The following LDLRAD4 variants were observed in gnomAD, a reference collection of about 807,000 sequenced individuals.
LDLRAD4 encodes the protein low density lipoprotein receptor class A domain containing 4.
A neutral mutation model predicts 17.0 loss-of-function variants in LDLRAD4; 5 were observed. The observed-to-expected ratio is 0.29, with a 90% confidence interval of 0.15 to 0.62. The LOEUF (loss-of-function observed/expected upper bound fraction) is 0.62, where lower values mean the gene tolerates loss of function less well. Ranked by LOEUF, LDLRAD4 falls within the 20% of genes least tolerant of loss-of-function variation. LDLRAD4 has a pLI of 0.84. For missense variants in LDLRAD4, 340 were observed against 424.7 expected (o/e 0.80, Z 1.75); for synonymous variants, 168 against 171.8 (o/e 0.98, Z 0.17).
At chr18:13,467,747 G>A (rs973935646) in intron 3 of LDLRAD4, among the ~76,000 whole-genome samples, 19 of 152,186 alleles carry the variant, frequency 1.2e-4, no homozygotes, top group African/African-American at 3.4e-4. Context: ...ATTTACAAAA[G>A]TACTGTAATC....
At chr18:13,419,319 A>G (rs926591535) in intron 2 of LDLRAD4, 3 of 152,198 alleles carry the variant, frequency 2.0e-5, no homozygotes, top group African/African-American at 7.2e-5. Flanking sequence ...AAAGGAAGCA[A>G]TAAATTTGGA....
intron 1 of LDLRAD4, among the ~76,000 whole-genome samples, chr18:13,235,690 C>T (rs1402891257): frequency 1.3e-5 from 2 of 152,234 alleles, no homozygotes; most frequent in Non-Finnish European, 2.9e-5. Context: ...GTTGCATATG[C>T]GATCGGCTTT....
At chr18:13,530,790 CCT>C (rs2094114846) in intron 3 of LDLRAD4, among the ~76,000 whole-genome samples, 1 of 151,632 alleles carries the variant, frequency 6.6e-6, no homozygotes, top group Admixed American at 6.6e-5. Flanking sequence ...GGAAGCCTGC[CCT>C]CGAGCCAGGA....
At chr18:13,364,050 T>G (rs1273383493) in intron 1 of LDLRAD4, among the ~76,000 whole-genome samples, 3 of 152,220 alleles carry the variant, frequency 2.0e-5, no homozygotes, top group Non-Finnish European at 4.4e-5. Flanking sequence ...AAATGTTCTG[T>G]TCTAAAGAAT....
intron 3 of LDLRAD4, among the ~76,000 whole-genome samples, chr18:13,505,586 G>A (rs932144825): frequency 6.6e-6 from 1 of 152,152 alleles, no homozygotes; most frequent in Non-Finnish European, 1.5e-5. Context: ...TTGGGAGGCC[G>A]AGGCGGGCGG....
chr18:13,568,550 C>T (rs1397935758), intron 3 of LDLRAD4, among the ~76,000 whole-genome samples: 2 of 152,136 alleles, frequency 1.3e-5, no homozygotes, highest in Non-Finnish European at 2.9e-5. Flanking sequence ...AAGACCCTTC[C>T]CAGAAGTCCC....
chr18:13,617,170 T>G (rs971411853), intron 3 of LDLRAD4, among the ~76,000 whole-genome samples: 1 of 152,048 alleles, frequency 6.6e-6, no homozygotes, highest in African/African-American at 2.4e-5. Context: ...ACTCCTGGTC[T>G]TAAACAATTC....
chr18:13,265,358 C>T (rs1404091401), intron 1 of LDLRAD4, among the ~76,000 whole-genome samples: 6 of 152,288 alleles, frequency 3.9e-5, no homozygotes, highest in Admixed American at 1.3e-4. Flanking sequence ...GTGGCCTGGA[C>T]GGGGTCTCTG....
At chr18:13,433,358 A>G (rs929282711) in intron 2 of LDLRAD4, among the ~76,000 whole-genome samples, 3 of 152,228 alleles carry the variant, frequency 2.0e-5, no homozygotes, top group Non-Finnish European at 2.9e-5. Context: ...GTGTTGCTAT[A>G]TGAATTTTAA....
Position 13,621,291 on chromosome 18 carries a change from C to A in LDLRAD4, c.336+20C>A, listed in dbSNP as rs771663780. ...CCGCAGGTGAGTACCCTGGCCGCCC[C>A]GGCTCCAGAGTCAGGCAGCTGCAAG... On this transcript the variant is annotated intron_variant, in intron 4 of 5. Coordinates refer to ENST00000359446, the Ensembl canonical transcript of LDLRAD4. The surrounding 1 kb of genome is among the most constrained non-coding windows in gnomAD (Gnocchi z 5.5). 1 of 1,595,008 alleles carries A rather than the reference C, an allele frequency of 6.3e-7. No individual in the cohort carries two copies. The highest frequency in any genetic ancestry group is 8.6e-7 in the Non-Finnish European group (1 of 1,167,340).
chr18:13,631,705 A>T (rs2148894080), intron 4 of LDLRAD4, among the ~76,000 whole-genome samples: 1 of 152,272 alleles, frequency 6.6e-6, no homozygotes, highest in East Asian at 1.9e-4. Context: ...AGGGAGGCAG[A>T]TTACTTGAGG....
intron 2 of LDLRAD4, among the ~76,000 whole-genome samples, chr18:13,433,134 T>G (rs1267672129): frequency 6.6e-6 from 1 of 152,238 alleles, no homozygotes; most frequent in African/African-American, 2.4e-5. Context: ...TTACATTGTT[T>G]ATGGTAATTT....
At chr18:13,301,706 T>C (rs11659895) in intron 1 of LDLRAD4, among the ~76,000 whole-genome samples, 17,500 of 152,282 alleles carry the variant, frequency 0.11, 1,142 homozygotes, top group South Asian at 0.17. Context: ...AGATTCTTTC[T>C]GTGTGAATTT....
chr18:13,612,869 G>A, intron 3 of LDLRAD4: 2 of 1,414,404 alleles, frequency 1.4e-6, no homozygotes, highest in Non-Finnish European at 2.0e-6. Context: ...GCTGAGAAGA[G>A]GAGAAGCTCT....
intron 3 of LDLRAD4, among the ~76,000 whole-genome samples, chr18:13,480,072 G>T (rs1261033064): frequency 2.6e-5 from 4 of 152,328 alleles, no homozygotes; most frequent in Middle Eastern, 3.4e-3. Flanking sequence ...TATTTACACA[G>T]AGGAATTGAA....
At chr18:13,598,541 A>G (rs980742962) in intron 3 of LDLRAD4, among the ~76,000 whole-genome samples, 3 of 152,248 alleles carry the variant, frequency 2.0e-5, no homozygotes, top group Non-Finnish European at 4.4e-5. Flanking sequence ...TTCTGACCCC[A>G]GAAAGGTTCT....
chr18:13,291,975 T>C (rs2146422032), intron 1 of LDLRAD4, among the ~76,000 whole-genome samples: 1 of 152,276 alleles, frequency 6.6e-6, no homozygotes, highest in South Asian at 2.1e-4. Flanking sequence ...GATATCCCAG[T>C]GAAACGAAAT....
chr18:13,282,438 G>A (rs2045338096), intron 1 of LDLRAD4, among the ~76,000 whole-genome samples: 1 of 152,212 alleles, frequency 6.6e-6, no homozygotes, highest in South Asian at 2.1e-4. Context: ...TACAGGTATT[G>A]GGTAAATACA....
At chr18:13,287,979 T>C (rs1292659274) in intron 1 of LDLRAD4, among the ~76,000 whole-genome samples, 1 of 152,208 alleles carries the variant, frequency 6.6e-6, no homozygotes, top group Admixed American at 6.5e-5. Context: ...GAAAATCTCA[T>C]ATAAACGTAG....
Sources: gnomAD v4.1 joint callset for allele counts (sites outside exome capture counted in the v4.1 genomes callset) on GRCh38, gnomAD v4.1.1 for gene constraint, Gnocchi (gnomAD v3.1) non-coding constraint, MANE v1.5 for transcripts, NCBI Gene and HGNC (gene_info 2026-07-23, HGNC 2026-07-21) for gene names.